Variants in BARX2 observed in about 807,000 individuals in gnomAD.
BARX2 encodes BARX homeobox 2, also known as homeobox protein BarH-like 2.
A neutral mutation model predicts 25.5 loss-of-function variants in BARX2; 11 were observed. The ratio of observed to expected loss-of-function variants is 0.43; its 90% CI spans 0.27 to 0.71. BARX2 has a LOEUF of 0.71. Ranked by LOEUF, BARX2 falls within the 30% of genes least tolerant of loss-of-function variation. The probability of loss-of-function intolerance (pLI) is 0.19; values close to 1 mark genes in which losing one functional copy is unlikely to be tolerated. For synonymous variants in BARX2, 137 were observed against 149.5 expected (o/e 0.92, Z 0.61); for missense variants, 360 against 359.9 (o/e 1.00, Z 0.00).
intron 3 of BARX2, among the ~76,000 whole-genome samples, chr11:129,444,051 TATG>T (rs1862294645): frequency 6.6e-6 from 1 of 152,022 alleles, no homozygotes; most frequent in East Asian, 1.9e-4. Flanking sequence ...AGGGCTAAAA[TATG>T]ATGTTTTTCA....
intron 3 of BARX2, among the ~76,000 whole-genome samples, chr11:129,445,259 C>A (rs534397615): frequency 2.6e-5 from 4 of 152,218 alleles, no homozygotes; most frequent in Admixed American, 1.3e-4. Context: ...CCACCACCCA[C>A]CTTCTTCCTC....
chr11:129,416,061 A>G (rs1861940083), intron 1 of BARX2, among the ~76,000 whole-genome samples: 1 of 152,322 alleles, frequency 6.6e-6, no homozygotes, highest in East Asian at 1.9e-4. Flanking sequence ...TTTATAGGAA[A>G]GGTTGGATTG....
chr11:129,406,696 C>T (rs77187635), intron 1 of BARX2, among the ~76,000 whole-genome samples: 2,115 of 152,250 alleles, frequency 0.014, 45 homozygotes, highest in African/African-American at 0.048. Context: ...CCAGCCTCAA[C>T]GGTGATTGAG....
At chr11:129,403,429 G>A (rs1037138872) in intron 1 of BARX2, among the ~76,000 whole-genome samples, 1 of 152,156 alleles carries the variant, frequency 6.6e-6, no homozygotes, top group Non-Finnish European at 1.5e-5. Flanking sequence ...GCCTTCAGGA[G>A]AGGCAGCCTT....
In BARX2 at chr11:129,436,675, A is replaced by G; in HGVS notation, c.188-76A>G. 1 of 1,466,576 alleles carries G rather than the reference A, an allele frequency of 6.8e-7. No individual in the cohort carries two copies. The highest frequency in any genetic ancestry group is 1.4e-5 in the African/African-American group (1 of 70,872). 90.8% of individuals were successfully genotyped at this position (1,466,576 alleles called of 1,614,324 possible). ...CCTCCCTGTCAGACAGACCTCAGCC[A>G]GCGGCCCTCCGCAGGTCCTGGCCTG... On this transcript the variant is annotated intron_variant, in intron 1 of 3. Coordinates refer to ENST00000281437, the MANE Select transcript of BARX2 (RefSeq NM_003658.5). The surrounding 1 kb of genome is among the most constrained non-coding windows in gnomAD (Gnocchi z 4.5).
intron 1 of BARX2, among the ~76,000 whole-genome samples, chr11:129,402,394 G>C (rs565903701): frequency 6.6e-6 from 1 of 152,230 alleles, no homozygotes; most frequent in Non-Finnish European, 1.5e-5. Context: ...CATGTAAACT[G>C]TCAGGGATAT....
intron 3 of BARX2, among the ~76,000 whole-genome samples, chr11:129,448,894 C>T (rs1190402284): frequency 1.3e-5 from 2 of 152,156 alleles, no homozygotes; most frequent in African/African-American, 4.8e-5. Context: ...CATGGATAGA[C>T]ATTGAGAACA....
chr11:129,423,329 C>A (rs1862027769), intron 1 of BARX2, among the ~76,000 whole-genome samples: 1 of 151,938 alleles, frequency 6.6e-6, no homozygotes, highest in Non-Finnish European at 1.5e-5. Context: ...GTTGGCCAAG[C>A]TGGTCTCGAA....
At chr11:129,378,068 G>A (rs79239254) in intron 1 of BARX2, among the ~76,000 whole-genome samples, 4,089 of 152,300 alleles carry the variant, frequency 0.027, 165 homozygotes, top group African/African-American at 0.092. Context: ...TGAAATGCAC[G>A]TATTTCACAG....
At chr11:129,423,450 T>G (rs1862029667) in intron 1 of BARX2, among the ~76,000 whole-genome samples, 1 of 152,132 alleles carries the variant, frequency 6.6e-6, no homozygotes, top group Admixed American at 6.5e-5. Context: ...TTTTTTTGCA[T>G]GTAATCAGGA....
chr11:129,378,258 G>T (rs562328862), intron 1 of BARX2, among the ~76,000 whole-genome samples: 108 of 152,258 alleles, frequency 7.1e-4, no homozygotes, highest in African/African-American at 2.4e-3. Flanking sequence ...ACTGGGATTT[G>T]CTGGTGGAAT....
chr11:129,439,576 A>T lies in BARX2; in HGVS notation c.488+2525A>T, dbSNP rs147384708. On this transcript the variant is annotated intron_variant, in intron 2 of 3. Coordinates refer to ENST00000281437, the MANE Select transcript of BARX2 (RefSeq NM_003658.5). ...GAGTTGAGAATTCTGTGGTTTCTGG[A>T]CTGGGCCAGCAGGTGGATAGGGACG... Among the ~76,000 whole-genome samples the T allele has an allele frequency of 1.2e-3, 177 of 152,292 alleles. 1 individual carries two copies. Among genetic ancestry groups the T allele is most frequent in the African/African-American group, 4.0e-3 (168 of 41,550 alleles).
At chr11:129,431,279 G>A (rs774993263) in intron 1 of BARX2, among the ~76,000 whole-genome samples, 4 of 152,144 alleles carry the variant, frequency 2.6e-5, no homozygotes, top group Non-Finnish European at 4.4e-5. Context: ...TGTATACAGG[G>A]TTTTGTGTTC....
chr11:129,442,800 C>G, intron 2 of BARX2, 35 bp from the exon 3 acceptor site: 1 of 1,570,286 alleles, frequency 6.4e-7, no homozygotes, highest in Non-Finnish European at 8.8e-7. Flanking sequence ...GCCTCCCATT[C>G]TGCTCACCTT....
At chr11:129,443,914 T>A (rs879856004) in intron 3 of BARX2, among the ~76,000 whole-genome samples, 1 of 152,110 alleles carries the variant, frequency 6.6e-6, no homozygotes, top group Non-Finnish European at 1.5e-5. Flanking sequence ...CCATGCCACC[T>A]GCCATAGGCT....
At chr11:129,434,603 AATTT>A (rs1283010587) in intron 1 of BARX2, among the ~76,000 whole-genome samples, 1 of 152,088 alleles carries the variant, frequency 6.6e-6, no homozygotes, top group Non-Finnish European at 1.5e-5. Flanking sequence ...GATGTACCAC[AATTT>A]ATTTAATTAT....
intron 1 of BARX2, among the ~76,000 whole-genome samples, chr11:129,383,625 G>A (rs1367485571): frequency 6.6e-6 from 1 of 152,188 alleles, no homozygotes; most frequent in Non-Finnish European, 1.5e-5. Flanking sequence ...AGTCTGGAGG[G>A]CAGCTCTGTA....
chr11:129,403,731 AT>A (rs1340515803), intron 1 of BARX2, among the ~76,000 whole-genome samples: 1 of 152,142 alleles, frequency 6.6e-6, no homozygotes, highest in Non-Finnish European at 1.5e-5. Context: ...TTTTTTAAAT[AT>A]TTTTTAGAGA....
chr11:129,411,898 G>A (rs1427901061), intron 1 of BARX2, among the ~76,000 whole-genome samples: 4 of 152,232 alleles, frequency 2.6e-5, no homozygotes, highest in Non-Finnish European at 5.9e-5. Flanking sequence ...TAGGACTCCT[G>A]TCCTTTCGAG....
Sources: allele counts gnomAD v4.1 joint callset (sites outside exome capture counted in the v4.1 genomes callset), GRCh38; gene constraint gnomAD v4.1.1; non-coding constraint Gnocchi (gnomAD v3.1); transcripts MANE v1.5; gene names NCBI Gene and HGNC (gene_info 2026-07-23, HGNC 2026-07-21).